Variants in ZBTB40 observed in about 807,000 individuals in gnomAD.
The protein encoded by ZBTB40 is zinc finger and BTB domain containing 40.
In ZBTB40, 60 loss-of-function variants were observed where a neutral mutation model predicts 117.5. The ratio of observed to expected loss-of-function variants is 0.51; its 90% confidence interval spans 0.41 to 0.63. ZBTB40 has a LOEUF of 0.63. Ranked by LOEUF, ZBTB40 falls within the 30% of genes least tolerant of loss-of-function variation. ZBTB40 has a pLI of 0.00. For missense variants in ZBTB40, 1,287 were observed against 1,498.5 expected (o/e 0.86, Z 2.33); for synonymous variants, 525 against 577.1 (o/e 0.91, Z 1.29).
intron 1 of ZBTB40, among the ~76,000 whole-genome samples, chr1:22,457,526 A>G (rs1238460953): frequency 6.6e-6 from 1 of 152,234 alleles, no homozygotes; most frequent in African/African-American, 2.4e-5. Flanking sequence ...AGGCGTTTGC[A>G]TGAGCGACCT....
At chr1:22,444,057 C>T (rs1270277108) in intron 1 of ZBTB40, among the ~76,000 whole-genome samples, 2 of 152,074 alleles carry the variant, frequency 1.3e-5, no homozygotes, top group Non-Finnish European at 2.9e-5. Context: ...GGGACTCCTC[C>T]GCCAGGAATG....
intron 1 of ZBTB40, among the ~76,000 whole-genome samples, chr1:22,456,615 G>A (rs1051611049): frequency 2.0e-5 from 3 of 152,178 alleles, no homozygotes; most frequent in African/African-American, 4.8e-5. Context: ...AACTGAAGGC[G>A]CGATGAGAAT....
Position 22,526,185 on chromosome 1 carries a change from C to T in ZBTB40, c.3526-17C>T, listed in dbSNP as rs544512858. 16 of 1,613,970 alleles carry T rather than the reference C, an allele frequency of 9.9e-6. No homozygotes were observed. Among genetic ancestry groups the T allele is most frequent in the Middle Eastern group, 1.6e-4 (1 of 6,084 alleles). ...GTGAACACTGCCCAGAGCAGCCTCACGGTCTTTCTCTTTCAGGTGATCCAA... is the reference window on the plus strand; with the variant it reads ...GTGAACACTGCCCAGAGCAGCCTCATGGTCTTTCTCTTTCAGGTGATCCAA... On this transcript the variant is annotated splice_polypyrimidine_tract_variant and intron_variant, in intron 17 of 17. Coordinates refer to ENST00000375647, the MANE Select transcript of ZBTB40 (RefSeq NM_014870.4).
chr1:22,453,828 C>A (rs186972005), intron 1 of ZBTB40, among the ~76,000 whole-genome samples: 12 of 152,314 alleles, frequency 7.9e-5, no homozygotes, highest in Admixed American at 7.8e-4. Flanking sequence ...TCCTTAAGGG[C>A]AGGGACCACA....
At chr1:22,492,045 T>C (rs758686496) in intron 3 of ZBTB40, among the ~76,000 whole-genome samples, 23 of 152,228 alleles carry the variant, frequency 1.5e-4, no homozygotes, top group Non-Finnish European at 2.9e-4. Flanking sequence ...GCTTGGCATA[T>C]GTGTTACCGC....
chr1:22,474,940 C>CAAT (rs1553132296), intron 1 of ZBTB40, among the ~76,000 whole-genome samples: 21 of 56,994 alleles, frequency 3.7e-4, no homozygotes, highest in East Asian at 1.9e-3. Context: ...CCAGTACCAA[C>CAAT]AATAAAAAAA....
chr1:22,523,152 C>T (rs1428559284), intron 16 of ZBTB40, among the ~76,000 whole-genome samples: 2 of 151,760 alleles, frequency 1.3e-5, no homozygotes, highest in African/African-American at 2.4e-5. Flanking sequence ...GGGGTTTCAT[C>T]ATGTTAGCCA....
intron 6 of ZBTB40, 97 bp from the exon 7 acceptor site, chr1:22,507,904 C>CTGAT: frequency 6.3e-7 from 1 of 1,582,626 alleles, no homozygotes; most frequent in Non-Finnish European, 8.7e-7. Context: ...AGCCCTTGTG[C>CTGAT]TGATTGCTCT....
Position 22,522,397 on chromosome 1 carries a change from G to A in ZBTB40, c.3232G>A (p.Asp1078Asn), listed in dbSNP as rs563088504. Residue 1078 changes from aspartate (D) to asparagine (N), a missense_variant, in exon 16 of 18, where the codon GAC (aspartate) becomes AAC (asparagine). Asp to Asn is a conservative substitution (Grantham distance 23, BLOSUM62 1). Around this residue, in one of 2 missense-constraint regions of ZBTB40, gnomAD observed 417 missense variants for 564.1 expected, o/e 0.74. Transcript: ENST00000375647. ...EHADMKFHECDQCKELFPTPA... is the reference protein window; with the variant it reads ...EHADMKFHECNQCKELFPTPA... ...CACAGATATGAAGTTCCATGAATGTGACCAGTGTAAGGAGCTCTTCCCCAC... is the reference window on the plus strand; with the variant it reads ...CACAGATATGAAGTTCCATGAATGTAACCAGTGTAAGGAGCTCTTCCCCAC... The A allele has an allele frequency of 1.2e-6, 2 of 1,614,150 alleles. No homozygotes were observed. The highest frequency in any genetic ancestry group is 3.3e-5 in the Admixed American group (2 of 60,028).
intron 1 of ZBTB40, among the ~76,000 whole-genome samples, chr1:22,462,524 G>A (rs922857854): frequency 5.9e-5 from 9 of 152,122 alleles, no homozygotes; most frequent in East Asian, 1.9e-4. Context: ...AAATGTTGTC[G>A]TCTTTACGTT....
intron 3 of ZBTB40, among the ~76,000 whole-genome samples, chr1:22,499,857 C>A (rs1339997476): frequency 6.6e-6 from 1 of 152,154 alleles, no homozygotes; most frequent in Non-Finnish European, 1.5e-5. Flanking sequence ...ATACTTACTA[C>A]CAGAATTTGT....
chr1:22,503,023 G>C (rs1638983838), intron 5 of ZBTB40, among the ~76,000 whole-genome samples: 1 of 151,514 alleles, frequency 6.6e-6, no homozygotes, highest in South Asian at 2.1e-4. Context: ...AGAACATATG[G>C]TTTTCTAACT....
chr1:22,435,809 T>C (rs1002631821), intron 1 of ZBTB40, among the ~76,000 whole-genome samples: 30 of 152,032 alleles, frequency 2.0e-4, no homozygotes, highest in African/African-American at 7.3e-4. Context: ...AATACATACA[T>C]ATGACAAAGG....
chr1:22,486,095 CTGTT>C (rs1277084414), intron 1 of ZBTB40, among the ~76,000 whole-genome samples: 2 of 151,858 alleles, frequency 1.3e-5, no homozygotes, highest in African/African-American at 4.8e-5. Flanking sequence ...TGGGTTTTGT[CTGTT>C]TGTTTGTCTT....
intron 1 of ZBTB40, among the ~76,000 whole-genome samples, chr1:22,482,951 C>T (rs927554071): frequency 1.3e-5 from 2 of 151,890 alleles, no homozygotes; most frequent in African/African-American, 2.4e-5. Flanking sequence ...TGGTGGCGGG[C>T]GCCTGTAGTC....
At chr1:22,491,662 G>C (rs1419060559) in intron 3 of ZBTB40, 129 bp downstream of exon 3, 1 of 789,464 alleles carries the variant, frequency 1.3e-6, no homozygotes, top group African/African-American at 2.1e-5. Flanking sequence ...TTTTTTTTTT[G>C]GACATTTATT....
At chr1:22,524,946 CT>C (rs1639636903) in intron 17 of ZBTB40, among the ~76,000 whole-genome samples, 1 of 152,238 alleles carries the variant, frequency 6.6e-6, no homozygotes, top group South Asian at 2.1e-4. Flanking sequence ...TCCTCTTTTA[CT>C]CTTCTTCCCA....
chr1:22,475,426 T>A (rs1641530040), intron 1 of ZBTB40, among the ~76,000 whole-genome samples: 1 of 152,218 alleles, frequency 6.6e-6, no homozygotes. Context: ...AGCAGTTACT[T>A]ATCAGGTGCC....
rs1296331869 is a variant in ZBTB40 at position 22,524,400 on chromosome 1, G to A, written c.3481G>A (p.Val1161Met). 2 of 1,614,190 alleles carry A rather than the reference G, an allele frequency of 1.2e-6. No individual in the cohort carries two copies. The highest frequency in any genetic ancestry group is 2.2e-5 in the East Asian group (1 of 44,872). The change falls in exon 17 of 18, where the codon GTG becomes ATG. Residue 1161 changes from valine (V) to methionine (M), a missense_variant. Transcript: ENST00000375647. ...TCACCTGGAATCTGAGCACCCAAAG[G>A]TGATGAGCACGGAAACCCAGGCCGC... ...DSHLESEHPK[V>M]MSTETQAAAS... is the part of the protein sequence containing the mutation.
Sources: allele counts gnomAD v4.1 joint callset (sites outside exome capture counted in the v4.1 genomes callset), GRCh38; gene constraint gnomAD v4.1.1; regional missense constraint gnomAD v4.1.1; transcripts MANE v1.5; gene names NCBI Gene and HGNC (gene_info 2026-07-23, HGNC 2026-07-21).